Variants in RAPGEF4 observed in about 807,000 individuals in gnomAD.
The protein encoded by RAPGEF4 is RAP guanine-nucleotide-exchange factor (GEF) 4.
In RAPGEF4, 66 loss-of-function variants were observed where a neutral mutation model predicts 147.9. The observed-to-expected ratio is 0.45, with a 90% CI of 0.37 to 0.55. RAPGEF4 has a LOEUF of 0.55. Among genes scored for constraint, RAPGEF4 ranks in the 20% least tolerant of loss-of-function variants. The probability of loss-of-function intolerance (pLI) is 0.00; values close to 1 mark genes in which losing one functional copy is unlikely to be tolerated. For missense variants in RAPGEF4, 1,071 were observed against 1,257.3 expected (o/e 0.85, Z 2.24); for synonymous variants, 419 against 442.7 (o/e 0.95, Z 0.67).
At chr2:172,821,887 G>T in intron 4 of RAPGEF4, 2 of 1,606,562 alleles carry the variant, frequency 1.2e-6, no homozygotes, top group Non-Finnish European at 1.7e-6. Flanking sequence ...GGCAATGAAG[G>T]TACATTTTGC....
chr2:172,842,756 C>T (rs1394727956), intron 4 of RAPGEF4, among the ~76,000 whole-genome samples: 2 of 152,196 alleles, frequency 1.3e-5, no homozygotes, highest in East Asian at 1.9e-4. Context: ...CTGCCACTTT[C>T]GTCATAGTCA....
At chr2:172,890,815 A>T (rs1330631323) in intron 4 of RAPGEF4, among the ~76,000 whole-genome samples, 1 of 152,230 alleles carries the variant, frequency 6.6e-6, no homozygotes, top group Non-Finnish European at 1.5e-5. Context: ...GCAAAATGAA[A>T]ACATGGGGAC....
At chr2:172,868,557 G>A (rs1216602092) in intron 4 of RAPGEF4, among the ~76,000 whole-genome samples, 2 of 152,136 alleles carry the variant, frequency 1.3e-5, no homozygotes, top group Non-Finnish European at 2.9e-5. Context: ...TCCTGTGAAT[G>A]GTGCCTGTGC....
chr2:172,998,907 G>A (rs1317177418), intron 16 of RAPGEF4, among the ~76,000 whole-genome samples: 1 of 152,178 alleles, frequency 6.6e-6, no homozygotes, highest in Non-Finnish European at 1.5e-5. Context: ...TCTAAGGAAT[G>A]AGCTATAAGA....
chr2:172,933,859 C>A (rs1686239624), intron 6 of RAPGEF4, among the ~76,000 whole-genome samples: 1 of 152,082 alleles, frequency 6.6e-6, no homozygotes, highest in African/African-American at 2.4e-5. Flanking sequence ...TCCTCAGGGA[C>A]CTAATTTAAT....
intron 1 of RAPGEF4, among the ~76,000 whole-genome samples, chr2:172,763,365 A>G (rs1004287181): frequency 3.9e-5 from 6 of 152,314 alleles, no homozygotes; most frequent in East Asian, 1.9e-4. Context: ...TTAGAAGGGG[A>G]CAGTCCTTGC....
chr2:172,956,058 G>A (rs1688695771), intron 6 of RAPGEF4, among the ~76,000 whole-genome samples: 1 of 152,184 alleles, frequency 6.6e-6, no homozygotes, highest in Admixed American at 6.5e-5. Context: ...ACTTCTGGCT[G>A]GAGAGAGATC....
chr2:172,948,916 C>T (rs1032550035), intron 6 of RAPGEF4, among the ~76,000 whole-genome samples: 2 of 152,098 alleles, frequency 1.3e-5, no homozygotes, highest in African/African-American at 4.8e-5. Context: ...ACAAGTTTAC[C>T]TATATAACAA....
At chr2:172,897,292 C>T (rs1257563170) in intron 4 of RAPGEF4, among the ~76,000 whole-genome samples, 1 of 152,086 alleles carries the variant, frequency 6.6e-6, no homozygotes, top group Non-Finnish European at 1.5e-5. Context: ...AAAAGACACC[C>T]CACATCCCAG....
intron 9 of RAPGEF4, among the ~76,000 whole-genome samples, chr2:172,966,215 G>C (rs997485374): frequency 1.3e-5 from 2 of 152,264 alleles, no homozygotes; most frequent in African/African-American, 4.8e-5. Flanking sequence ...ATTGAACAGA[G>C]TAGCTCTTCA....
chr2:172,821,657 C>G, intron 4 of RAPGEF4: 1 of 1,022,312 alleles, frequency 9.8e-7, no homozygotes, highest in Non-Finnish European at 1.2e-6. Flanking sequence ...ATTCCTGTGT[C>G]TTCAAGCTTT....
intron 25 of RAPGEF4, among the ~76,000 whole-genome samples, chr2:173,029,620 T>C (rs1696995581): frequency 6.6e-6 from 1 of 152,234 alleles, no homozygotes; most frequent in Non-Finnish European, 1.5e-5. Context: ...ACTTCTCAGC[T>C]TTAAAATTCC....
chr2:172,794,252 G>A (rs1189594995), intron 1 of RAPGEF4, among the ~76,000 whole-genome samples: 1 of 150,802 alleles, frequency 6.6e-6, no homozygotes, highest in Admixed American at 6.6e-5. Context: ...AGTAGCGGGC[G>A]GCTGTATTCG....
intron 4 of RAPGEF4, among the ~76,000 whole-genome samples, chr2:172,898,221 G>A (rs1376729075): frequency 6.6e-6 from 1 of 152,208 alleles, no homozygotes; most frequent in Non-Finnish European, 1.5e-5. Flanking sequence ...GGGAGGTAGA[G>A]ATCATGGTAG....
intron 6 of RAPGEF4, chr2:172,928,201 G>A (rs759617676): frequency 1.5e-5 from 7 of 455,430 alleles, no homozygotes; most frequent in South Asian, 1.1e-4. Flanking sequence ...TCCAGTCTCT[G>A]AGGAAATGTT....
intron 6 of RAPGEF4, among the ~76,000 whole-genome samples, chr2:172,955,018 G>T (rs986541672): frequency 6.6e-6 from 1 of 152,202 alleles, no homozygotes; most frequent in African/African-American, 2.4e-5. Context: ...CAGATTGGAT[G>T]TGGACTTGCC....
intron 4 of RAPGEF4, among the ~76,000 whole-genome samples, chr2:172,891,720 A>G (rs1299052938): frequency 6.6e-6 from 1 of 152,188 alleles, no homozygotes; most frequent in African/African-American, 2.4e-5. Context: ...AGGTGTAAAA[A>G]CAGTGACAGA....
intron 4 of RAPGEF4, among the ~76,000 whole-genome samples, chr2:172,900,005 G>T (rs988689733): frequency 6.6e-6 from 1 of 152,194 alleles, no homozygotes; most frequent in African/African-American, 2.4e-5. Context: ...CTCCCCTCAT[G>T]CCAGATAACT....
At chr2:173,020,812 C>T in intron 23 of RAPGEF4, 97 bp downstream of exon 23, 3 of 887,966 alleles carry the variant, frequency 3.4e-6, no homozygotes, top group African/African-American at 1.7e-5. Flanking sequence ...GCTAAAAAAT[C>T]TTGAATGGTA....
Sources: allele counts gnomAD v4.1 joint callset (sites outside exome capture counted in the v4.1 genomes callset), GRCh38; gene constraint gnomAD v4.1.1; transcripts MANE v1.5; gene names NCBI Gene and HGNC (gene_info 2026-07-23, HGNC 2026-07-21).